HIPK2: variants seen among roughly 807,000 people sequenced by gnomAD.
HIPK2 encodes the protein homeodomain interacting protein kinase 2.
In HIPK2, 27 loss-of-function variants were observed where a neutral mutation model predicts 113.7. The observed-to-expected ratio is 0.24, with a 90% CI of 0.17 to 0.33. The LOEUF (loss-of-function observed/expected upper bound fraction) is 0.33, where lower values mean the gene tolerates loss of function less well. HIPK2 is among the 10% of genes least tolerant of loss of function. The pLI is 1.00. For synonymous variants in HIPK2, 631 were observed against 642.2 expected, an observed-to-expected ratio of 0.98 and a Z score of 0.26; for missense variants, 1,257 against 1,588.0, an observed-to-expected ratio of 0.79 and a Z score of 3.54.
At chr7:139,614,889 C>T (rs1390681543) in intron 7 of HIPK2, among the ~76,000 whole-genome samples, 3 of 152,236 alleles carry the variant, frequency 2.0e-5, no homozygotes, top group Admixed American at 6.5e-5. Flanking sequence ...GAAGACCAGG[C>T]GTGAGTTGAG....
chr7:139,636,485 T>G (rs1800818604), intron 2 of HIPK2, among the ~76,000 whole-genome samples: 1 of 152,146 alleles, frequency 6.6e-6, no homozygotes, highest in Non-Finnish European at 1.5e-5. Context: ...GAGGTCACAC[T>G]GGAGTAGGTG....
chr7:139,609,211 G>A (rs1440825592), intron 9 of HIPK2, among the ~76,000 whole-genome samples: 4 of 152,186 alleles, frequency 2.6e-5, no homozygotes, highest in Admixed American at 6.5e-5. Flanking sequence ...TTGGGAGGAT[G>A]GAGTTGACAG....
At chr7:139,605,026 A>G (rs1335713708) in intron 9 of HIPK2, among the ~76,000 whole-genome samples, 1 of 152,230 alleles carries the variant, frequency 6.6e-6, no homozygotes, top group Non-Finnish European at 1.5e-5. Flanking sequence ...ATCTAAGTTT[A>G]CACAATTCTA....
At chr7:139,697,448 G>A (rs1794597693) in intron 2 of HIPK2, among the ~76,000 whole-genome samples, 1 of 152,074 alleles carries the variant, frequency 6.6e-6, no homozygotes, top group Non-Finnish European at 1.5e-5. Flanking sequence ...CACAAACACA[G>A]CTCTCAAAGA....
intron 2 of HIPK2, among the ~76,000 whole-genome samples, chr7:139,664,520 C>T (rs1271969783): frequency 6.6e-6 from 1 of 151,974 alleles, no homozygotes; most frequent in Non-Finnish European, 1.5e-5. Context: ...CGGGGCAACA[C>T]AGTGAGACTG....
chr7:139,631,205 T>A lies in HIPK2; in HGVS notation c.1307A>T (p.Asn436Ile), dbSNP rs376167387. The change falls in exon 4 of 15, where the codon AAC becomes ATC. Residue 436 changes from asparagine to isoleucine, a missense_variant. By Grantham distance (149) the Asn-to-Ile change is moderately radical. Transcript: ENST00000406875. The surrounding 1 kb of genome is among the most constrained non-coding windows in gnomAD (Gnocchi z 4.9). ...AGGATATGGTGAGTCCGTGTCACGG[T>A]TGAAAAACCTAGTTGTCTTTGTCCC... ...SAGTKTTRFF[N>I]RDTDSPYPLW... 1 of 1,613,608 alleles carries A rather than the reference T, an allele frequency of 6.2e-7. No individual in the cohort carries two copies. Among genetic ancestry groups the A allele is most frequent in the African/African-American group, 1.3e-5 (1 of 74,924 alleles).
In HIPK2 at chr7:139,567,392, G is replaced by T. The variant is rs1314751631; in HGVS notation, c.*5535C>A. The T allele has an allele frequency of 1.4e-5, 2 of 143,184 alleles. No individual in the cohort carries two copies. Among genetic ancestry groups the T allele is most frequent in the Admixed American group, 1.4e-4 (2 of 14,460 alleles). 8.9% of individuals were successfully genotyped at this position (143,184 alleles called of 1,614,324 possible). On this transcript the variant is annotated 3_prime_UTR_variant, in exon 15 of 15. Coordinates refer to ENST00000406875, the MANE Select transcript of HIPK2 (RefSeq NM_022740.5). ...AGAATAGCACAGTTTTGAAATAAAT[G>T]CATTTTTTTTTTTTAAAAAAAAGGA...
intron 1 of HIPK2, among the ~76,000 whole-genome samples, chr7:139,757,552 A>G (rs193137206): frequency 1.9e-4 from 29 of 152,336 alleles, no homozygotes; most frequent in Middle Eastern, 3.4e-3. Flanking sequence ...GCTATCCTAA[A>G]AAAAGGCATG....
intron 1 of HIPK2, among the ~76,000 whole-genome samples, chr7:139,775,539 AG>A (rs758992829): frequency 2.6e-5 from 4 of 152,218 alleles, no homozygotes; most frequent in Non-Finnish European, 5.9e-5. Flanking sequence ...TGCACAGCGC[AG>A]GAACAATGAA....
At chr7:139,718,328 G>A (rs919343821) in intron 1 of HIPK2, among the ~76,000 whole-genome samples, 1 of 152,186 alleles carries the variant, frequency 6.6e-6, no homozygotes, top group Non-Finnish European at 1.5e-5. Context: ...GGCTAACCTA[G>A]TGTTCCTGTC....
intron 2 of HIPK2, among the ~76,000 whole-genome samples, chr7:139,663,418 T>A (rs370090199): frequency 0.091 from 13,865 of 152,194 alleles, 762 homozygotes; most frequent in African/African-American, 0.15. Context: ...CTGCCACTGA[T>A]GAGCTGGAGG....
At chr7:139,652,706 C>A (rs1719013466) in intron 2 of HIPK2, among the ~76,000 whole-genome samples, 1 of 152,158 alleles carries the variant, frequency 6.6e-6, no homozygotes, top group African/African-American at 2.4e-5. Flanking sequence ...CCACTCCAGG[C>A]TGGGAAGAAC....
At chr7:139,642,770 G>C (rs971408934) in intron 2 of HIPK2, among the ~76,000 whole-genome samples, 1 of 152,240 alleles carries the variant, frequency 6.6e-6, no homozygotes, top group Non-Finnish European at 1.5e-5. Flanking sequence ...CAAAACATGG[G>C]GGAGGTTGAC....
chr7:139,773,843 T>A (rs10274540), intron 1 of HIPK2, among the ~76,000 whole-genome samples: 15,563 of 152,162 alleles, frequency 0.1, 2,627 homozygotes, highest in African/African-American at 0.36. Context: ...TAGGAATGGA[T>A]CTTGGTTAAC....
At chr7:139,717,107 G>A (rs1281978741) in intron 1 of HIPK2, 92 bp from the exon 2 acceptor site, 2 of 1,438,640 alleles carry the variant, frequency 1.4e-6, no homozygotes, top group African/African-American at 2.9e-5. Context: ...CTGTGGCTTG[G>A]GCCATACAGA....
intron 11 of HIPK2, among the ~76,000 whole-genome samples, chr7:139,598,120 G>A (rs569287528): frequency 2.0e-5 from 3 of 152,172 alleles, no homozygotes; most frequent in Admixed American, 2.0e-4. Flanking sequence ...TTCCACTTAC[G>A]GCATCATGTC....
intron 13 of HIPK2, among the ~76,000 whole-genome samples, chr7:139,581,506 C>T (rs188413062): frequency 6.6e-6 from 1 of 152,312 alleles, no homozygotes; most frequent in African/African-American, 2.4e-5. Flanking sequence ...CTTCACTAAC[C>T]CCAACCTGAG....
chr7:139,598,006 A>T (rs768717053), intron 11 of HIPK2, among the ~76,000 whole-genome samples: 4 of 152,228 alleles, frequency 2.6e-5, no homozygotes, highest in Non-Finnish European at 4.4e-5. Flanking sequence ...TTTGTTTCAT[A>T]TACACCTTAT....
intron 2 of HIPK2, among the ~76,000 whole-genome samples, chr7:139,708,822 C>T (rs1263417126): frequency 6.6e-6 from 1 of 152,162 alleles, no homozygotes; most frequent in African/African-American, 2.4e-5. Context: ...GTGTCAGCTT[C>T]TTGGTCACCA....
Sources: allele counts gnomAD v4.1 joint callset (sites outside exome capture counted in the v4.1 genomes callset), GRCh38; gene constraint gnomAD v4.1.1; non-coding constraint Gnocchi (gnomAD v3.1); transcripts MANE v1.5; gene names NCBI Gene and HGNC (gene_info 2026-07-23, HGNC 2026-07-21).